CSGALNACT1: variants seen among roughly 807,000 people sequenced by gnomAD.
The protein encoded by CSGALNACT1 is beta4GalNAcT-1.
A neutral mutation model predicts 51.0 loss-of-function variants in CSGALNACT1; 52 were observed. The observed-to-expected ratio is 1.02, with a 90% confidence interval of 0.82 to 1.29. The LOEUF (loss-of-function observed/expected upper bound fraction) is 1.29, where lower values mean the gene tolerates loss of function less well. Among genes scored for constraint, CSGALNACT1 ranks in the 50% most tolerant of loss-of-function variants. The probability of loss-of-function intolerance (pLI) is 0.00; values close to 1 mark genes in which losing one functional copy is unlikely to be tolerated. For synonymous variants in CSGALNACT1, 341 were observed against 254.4 expected (o/e 1.34, Z -3.24); for missense variants, 935 against 679.2 (o/e 1.38, Z -4.19).
intron 4 of CSGALNACT1, among the ~76,000 whole-genome samples, chr8:19,481,862 A>C (rs2071489145): frequency 6.6e-6 from 1 of 152,252 alleles, no homozygotes; most frequent in South Asian, 2.1e-4. Context: ...GGAGATACAG[A>C]GATAAAACAG....
intron 3 of CSGALNACT1, among the ~76,000 whole-genome samples, chr8:19,517,544 G>C (rs541985765): frequency 1.3e-5 from 2 of 152,316 alleles, no homozygotes; most frequent in Admixed American, 6.5e-5. Flanking sequence ...TTTTCATACT[G>C]CTGATAAAGA....
upstream of CSGALNACT1, among the ~76,000 whole-genome samples, chr8:19,687,483 T>TA (rs1022117929): frequency 2.5e-4 from 38 of 151,498 alleles, 1 homozygote; most frequent in African/African-American, 3.4e-4. Flanking sequence ...TGCAAATTAC[T>TA]AAAAAAAAAT....
At chr8:19,679,000 T>A (rs1302327380) in intron 1 of CSGALNACT1, among the ~76,000 whole-genome samples, 3 of 152,226 alleles carry the variant, frequency 2.0e-5, no homozygotes, top group Non-Finnish European at 4.4e-5. Flanking sequence ...AAGTAGGAGA[T>A]ATCATTATCC....
At chr8:19,695,481 G>A (rs975904266) in intron 1 of CSGALNACT1, among the ~76,000 whole-genome samples, 7 of 152,068 alleles carry the variant, frequency 4.6e-5, no homozygotes, top group African/African-American at 1.7e-4. Flanking sequence ...CAAGGAAGTT[G>A]GACTAAATAC....
intron 4 of CSGALNACT1, among the ~76,000 whole-genome samples, chr8:19,466,245 C>A (rs998250947): frequency 6.6e-6 from 1 of 152,184 alleles, no homozygotes; most frequent in Non-Finnish European, 1.5e-5. Context: ...AGGCAACCAA[C>A]TGACAGAAGG....
At chr8:19,448,252 C>A (rs763984974) in intron 5 of CSGALNACT1, among the ~76,000 whole-genome samples, 3 of 152,136 alleles carry the variant, frequency 2.0e-5, no homozygotes, top group Non-Finnish European at 4.4e-5. Flanking sequence ...TCTAGGGAAT[C>A]GTGGATTCAA....
At chr8:19,411,710 G>T (rs781583213) in intron 8 of CSGALNACT1, among the ~76,000 whole-genome samples, 1 of 152,190 alleles carries the variant, frequency 6.6e-6, no homozygotes, top group African/African-American at 2.4e-5. Flanking sequence ...GACAAGTGAT[G>T]CACCAATGAT....
intron 5 of CSGALNACT1, among the ~76,000 whole-genome samples, chr8:19,446,301 G>A (rs1322173300): frequency 6.6e-6 from 1 of 152,130 alleles, no homozygotes; most frequent in Non-Finnish European, 1.5e-5. Context: ...GGTCCCTTGG[G>A]CTGACTTACT....
intron 3 of CSGALNACT1, among the ~76,000 whole-genome samples, chr8:19,540,984 C>A (rs541435661): frequency 6.6e-6 from 1 of 152,200 alleles, no homozygotes; most frequent in Non-Finnish European, 1.5e-5. Flanking sequence ...GACTGTAGGT[C>A]ATTTAAAGAA....
chr8:19,487,211 C>A (rs972799976), intron 4 of CSGALNACT1, among the ~76,000 whole-genome samples: 2 of 152,202 alleles, frequency 1.3e-5, no homozygotes, highest in African/African-American at 4.8e-5. Flanking sequence ...ACTCATATGT[C>A]ATGTTAATAT....
chr8:19,627,979 C>A (rs1456906410), intron 1 of CSGALNACT1, among the ~76,000 whole-genome samples: 2 of 152,114 alleles, frequency 1.3e-5, no homozygotes, highest in Admixed American at 6.5e-5. Flanking sequence ...GGAGAAGGAA[C>A]CTGGGAACTC....
intron 6 of CSGALNACT1, among the ~76,000 whole-genome samples, chr8:19,431,938 C>T (rs1157189106): frequency 6.6e-6 from 1 of 151,824 alleles, no homozygotes. Context: ...GCACTGTGTG[C>T]CCATCAACAC....
In CSGALNACT1 at chr8:19,671,883, CA is replaced by C. The variant is rs1283436956; in HGVS notation, c.-544+10589del. Among the ~76,000 whole-genome samples the C allele has an allele frequency of 5.9e-5, 9 of 152,244 alleles. No individual in the cohort carries two copies. In the East Asian group the frequency reaches 1.7e-3, roughly 29 times the overall value. ...CCCCAAGCCATTAAATATTCTTTTG[CA>C]ATATAACTTTTAATGACTGCAGAGA... On this transcript the variant is annotated intron_variant, in intron 1 of 9. Coordinates refer to the CSGALNACT1 transcript ENST00000332246.
At chr8:19,588,971 G>T (rs1388747003) in intron 3 of CSGALNACT1, among the ~76,000 whole-genome samples, 2 of 152,140 alleles carry the variant, frequency 1.3e-5, no homozygotes, top group Admixed American at 1.3e-4. Flanking sequence ...AAGCATTCTG[G>T]TTGACACAAT....
intron 3 of CSGALNACT1, among the ~76,000 whole-genome samples, chr8:19,589,442 A>G (rs997982719): frequency 1.1e-4 from 16 of 152,230 alleles, no homozygotes; most frequent in Admixed American, 9.2e-4. Context: ...TATCCTGCCT[A>G]AGCCTCCTGA....
In CSGALNACT1 at chr8:19,562,910, A is replaced by T. The variant is rs10096861; in HGVS notation, c.-297+28250T>A. Among the ~76,000 whole-genome samples the T allele has an allele frequency of 2.0e-5, 3 of 152,230 alleles. No individual in the cohort carries two copies. In the South Asian group the frequency reaches 6.2e-4, roughly 32 times the overall value. On this transcript the variant is annotated intron_variant, in intron 3 of 9. Transcript: ENST00000454498. ...CTAAAACCAGAAATATCATTTGACC[A>T]AGCAATCCCATTACTGGGTATATAC...
At chr8:19,472,933 G>T (rs989322846) in intron 4 of CSGALNACT1, among the ~76,000 whole-genome samples, 22 of 152,248 alleles carry the variant, frequency 1.4e-4, no homozygotes, top group Middle Eastern at 3.4e-3. Context: ...TGATACATAG[G>T]AAGTACTCAG....
At chr8:19,730,198 T>C (rs1434370998) in intron 1 of CSGALNACT1, among the ~76,000 whole-genome samples, 1 of 152,010 alleles carries the variant, frequency 6.6e-6, no homozygotes, top group Non-Finnish European at 1.5e-5. Context: ...TTAAAAGCCA[T>C]CACACTCCCT....
chr8:19,626,831 C>A lies in CSGALNACT1; in HGVS notation c.-543-24966G>T, dbSNP rs60325517. Among the ~76,000 whole-genome samples, 1,355 of 152,044 alleles carry A rather than the reference C, an allele frequency of 8.9e-3. 19 individuals carry two copies. Among genetic ancestry groups the A allele is most frequent in the African/African-American group, 0.03 (1,262 of 41,420 alleles). ...AAGTACATCCTTAGCCAGAGGAAAA[C>A]ACAAATTAAAACCTCAATGAGATAC... On this transcript the variant is annotated intron_variant, in intron 1 of 9. Coordinates refer to the CSGALNACT1 transcript ENST00000332246.
Sources: gnomAD v4.1 joint callset for allele counts (sites outside exome capture counted in the v4.1 genomes callset) on GRCh38, gnomAD v4.1.1 for gene constraint, MANE v1.5 for transcripts, NCBI Gene and HGNC (gene_info 2026-07-23, HGNC 2026-07-21) for gene names.